Variants in MEI4 observed in about 807,000 individuals in gnomAD.
MEI4 encodes meiosis-specific protein MEI4.
A neutral mutation model predicts 31.4 loss-of-function variants in MEI4; 27 were observed. The observed-to-expected ratio is 0.86, with a 90% CI of 0.63 to 1.19. The LOEUF is 1.19. Ranked by LOEUF, MEI4 falls within the 50% of genes most tolerant of loss-of-function variation. MEI4 has a pLI of 0.00. For synonymous variants in MEI4, 122 were observed against 145.4 expected (o/e 0.84, Z 1.16); for missense variants, 329 against 398.9 (o/e 0.82, Z 1.49).
At position 77,925,467 on chromosome 6, in the gene MEI4, A is replaced by T. The variant is rs558057241; in HGVS notation, c.*2121A>T. On this transcript the variant is annotated 3_prime_UTR_variant, in exon 5 of 5. Coordinates refer to ENST00000684080, the MANE Select transcript of MEI4 (RefSeq NM_001322247.2). ...TACTGGTCAAAAAGAAGATAAAATG[A>T]TAAAATGAGACATTTTTATCTGTGT... The T allele has an allele frequency of 6.6e-6, 1 of 152,010 alleles. No individual in the cohort carries two copies. Among genetic ancestry groups the T allele is most frequent in the African/African-American group, 2.4e-5 (1 of 41,516 alleles). The allele number at this position is 152,010 out of a possible 1,614,324, so 9.4% of individuals were successfully genotyped here. A position where few individuals can be genotyped will look rare whatever the true frequency, so the allele number is the denominator to read the frequency against.
At chr6:77,831,870 G>A (rs1313923475) in intron 4 of MEI4, among the ~76,000 whole-genome samples, 3 of 151,968 alleles carry the variant, frequency 2.0e-5, no homozygotes, top group African/African-American at 7.2e-5. Flanking sequence ...TAACTAAATT[G>A]TAGAAATTAT....
Position 77,725,005 on chromosome 6 carries a change from T to C in MEI4, c.232+34102T>C, listed in dbSNP as rs1699457340. On this transcript the variant is annotated intron_variant, in intron 2 of 4. Transcript: ENST00000684080. Reference sequence around the variant, plus strand: ...AATGGTTCTAAAGCTGCTTTAATAATGGCCCAATCATTCCATACTGTAAGT... The same window carrying C: ...AATGGTTCTAAAGCTGCTTTAATAACGGCCCAATCATTCCATACTGTAAGT... Among the ~76,000 whole-genome samples, 2 of 138,382 alleles carry C rather than the reference T, an allele frequency of 1.4e-5. 1 individual carries two copies. Among genetic ancestry groups the C allele is most frequent in the Non-Finnish European group, 3.2e-5 (2 of 63,278 alleles). 90.8% of individuals were successfully genotyped at this position (138,382 alleles called of 152,430 possible). A position where few individuals can be genotyped will look rare whatever the true frequency, so the allele number is the denominator to read the frequency against.
chr6:77,771,828 T>G (rs1221823788), intron 3 of MEI4, among the ~76,000 whole-genome samples: 2 of 152,014 alleles, frequency 1.3e-5, no homozygotes, highest in African/African-American at 4.8e-5. Context: ...AAAAAATACC[T>G]ATTGAGCACT....
At chr6:77,706,466 C>A (rs963346114) in intron 2 of MEI4, among the ~76,000 whole-genome samples, 1 of 152,182 alleles carries the variant, frequency 6.6e-6, no homozygotes, top group Non-Finnish European at 1.5e-5. Flanking sequence ...ATAAAACAGA[C>A]AATTTTCTAT....
At chr6:77,741,515 G>A (rs1365516300) in intron 2 of MEI4, among the ~76,000 whole-genome samples, 2 of 152,062 alleles carry the variant, frequency 1.3e-5, no homozygotes, top group Non-Finnish European at 1.5e-5. Context: ...ACTAGGGAAG[G>A]ACAGATTCAG....
At chr6:77,652,794 C>T (rs1038734581), upstream of MEI4, among the ~76,000 whole-genome samples, 1 of 152,096 alleles carries the variant, frequency 6.6e-6, no homozygotes, top group Non-Finnish European at 1.5e-5. Context: ...GAGATTTCTG[C>T]TCTGAACAGA....
intron 4 of MEI4, among the ~76,000 whole-genome samples, chr6:77,888,924 C>G (rs1021128122): frequency 1.3e-5 from 2 of 152,050 alleles, no homozygotes; most frequent in Non-Finnish European, 2.9e-5. Flanking sequence ...GGCTTTTCCC[C>G]CTTTGCTCAG....
chr6:77,919,390 G>T (rs903653868), intron 4 of MEI4, among the ~76,000 whole-genome samples: 7 of 152,066 alleles, frequency 4.6e-5, no homozygotes, highest in Non-Finnish European at 8.8e-5. Context: ...ACCTGCTCCT[G>T]AATGACTACT....
chr6:77,789,810 C>A (rs1359446211), intron 3 of MEI4, among the ~76,000 whole-genome samples: 1 of 152,162 alleles, frequency 6.6e-6, no homozygotes, highest in Non-Finnish European at 1.5e-5. Flanking sequence ...GTTGGTGGGA[C>A]TGTAAACTAT....
chr6:77,798,374 TTAAAA>T (rs904120595), intron 3 of MEI4, among the ~76,000 whole-genome samples: 129 of 151,684 alleles, frequency 8.5e-4, no homozygotes, highest in African/African-American at 2.9e-3. Flanking sequence ...ATATTAATAA[TTAAAA>T]TAAATATGAA....
At chr6:77,758,645 C>T (rs566673236) in intron 2 of MEI4, among the ~76,000 whole-genome samples, 5 of 152,238 alleles carry the variant, frequency 3.3e-5, no homozygotes, top group East Asian at 1.9e-4. Context: ...CTTTTTCCTT[C>T]GGCTTAGAGA....
In MEI4 at chr6:77,843,278, T is replaced by A. The variant is rs567168386; in HGVS notation, c.900+14216T>A. On this transcript the variant is annotated intron_variant, in intron 4 of 4. Transcript: ENST00000684080. ...GCCAGGCAAATTATATAAAATTTCA[T>A]ATAATTTTAATTGCATTTATTATTG... is the stretch of plus-strand genomic sequence containing the variant. Among the ~76,000 whole-genome samples, 280 of 152,072 alleles carry A rather than the reference T, an allele frequency of 1.8e-3. 3 individuals carry two copies. The highest frequency in any genetic ancestry group is 6.4e-3 in the African/African-American group (266 of 41,540).
rs187899140 is a variant in MEI4, at chr6:77,802,079, C to T, written c.769-26852C>T. Among the ~76,000 whole-genome samples, 210 of 152,216 alleles carry T rather than the reference C, an allele frequency of 1.4e-3. 1 individual carries two copies. Among genetic ancestry groups the T allele is most frequent in the African/African-American group, 4.4e-3 (184 of 41,530 alleles). Reference sequence around the variant, plus strand: ...AATGTTGACAGTGGGTTGTTAAAGTCTCCCATTATTATTGTATGGGAGTCT... The same window carrying T: ...AATGTTGACAGTGGGTTGTTAAAGTTTCCCATTATTATTGTATGGGAGTCT... On this transcript the variant is annotated intron_variant, in intron 3 of 4. Transcript: ENST00000684080.
intron 2 of MEI4, among the ~76,000 whole-genome samples, chr6:77,740,479 A>G (rs1477508666): frequency 3.3e-5 from 5 of 152,184 alleles, no homozygotes; most frequent in South Asian, 2.1e-4. Context: ...ATGCTTTGCA[A>G]TGTGATAAAA....
chr6:77,709,824 C>T (rs1375681863), intron 2 of MEI4, among the ~76,000 whole-genome samples: 1 of 152,208 alleles, frequency 6.6e-6, no homozygotes, highest in African/African-American at 2.4e-5. Context: ...CTTTTAATAA[C>T]TCCAAAGTTA....
intron 1 of MEI4, among the ~76,000 whole-genome samples, chr6:77,669,689 A>G (rs1768703386): frequency 6.6e-6 from 1 of 152,250 alleles, no homozygotes. Context: ...ACGTGTCTGT[A>G]TCGTAATAGC....
intron 2 of MEI4, among the ~76,000 whole-genome samples, chr6:77,738,041 A>C (rs960661428): frequency 6.6e-6 from 1 of 152,202 alleles, no homozygotes; most frequent in Non-Finnish European, 1.5e-5. Context: ...GAATTCTTTG[A>C]GGCAGTGAGA....
At chr6:77,821,799 CAAAAAAAA>C (rs34905460) in intron 3 of MEI4, among the ~76,000 whole-genome samples, 6 of 93,042 alleles carry the variant, frequency 6.4e-5, no homozygotes, top group African/African-American at 1.3e-4. Flanking sequence ...GCCATCTCTC[CAAAAAAAA>C]AAAAAAAAAA....
intron 1 of MEI4, among the ~76,000 whole-genome samples, chr6:77,675,967 T>A (rs1768837395): frequency 6.6e-6 from 1 of 152,196 alleles, no homozygotes; most frequent in Non-Finnish European, 1.5e-5. Context: ...ATAAGTTTGA[T>A]CTTAGTTACA....
Sources: allele counts gnomAD v4.1 joint callset (sites outside exome capture counted in the v4.1 genomes callset), GRCh38; gene constraint gnomAD v4.1.1; transcripts MANE v1.5; gene names NCBI Gene and HGNC (gene_info 2026-07-23, HGNC 2026-07-21).